AMPH: variants seen among roughly 807,000 people sequenced by gnomAD.
The protein encoded by AMPH is amphiphysin.
Under a neutral mutation model 99.1 loss-of-function variants are expected in AMPH, and 49 were observed. The observed-to-expected ratio is 0.49, with a 90% CI of 0.39 to 0.63. The LOEUF (loss-of-function observed/expected upper bound fraction) is 0.63, where lower values mean the gene tolerates loss of function less well. AMPH is among the 20% of genes least tolerant of loss of function. The pLI, the probability that AMPH is intolerant of heterozygous loss-of-function variation, is 0.00. For synonymous variants in AMPH, 314 were observed against 317.3 expected (o/e 0.99, Z 0.11); for missense variants, 759 against 863.4 (o/e 0.88, Z 1.52).
At chr7:38,417,056 G>T (rs970586464) in intron 17 of AMPH, among the ~76,000 whole-genome samples, 2 of 152,126 alleles carry the variant, frequency 1.3e-5, no homozygotes, top group African/African-American at 4.8e-5. Context: ...ATGGTACCCT[G>T]ATTGAAATTG....
chr7:38,577,238 A>G (rs573426884), intron 1 of AMPH, among the ~76,000 whole-genome samples: 46 of 152,328 alleles, frequency 3.0e-4, no homozygotes, highest in Middle Eastern at 3.4e-3. Flanking sequence ...GGACAAATGT[A>G]CACCTGTGGC....
Position 38,503,695 on chromosome 7 carries a change from TACCCTCTGCCTAAA to T in AMPH, c.151-5_159del. On this transcript the variant is annotated splice_acceptor_variant and splice_polypyrimidine_tract_variant and coding_sequence_variant and intron_variant, in exon 3 of 21. Transcript: ENST00000356264. LOFTEE classifies it high-confidence loss of function. The stretch of plus-strand genomic sequence containing the variant: ...CCTCGGAGTTCTCGCTGAAGTCTGG[TACCCTCTGCCTAAA>T]AAACACAAGCACAGATGCTAAATAT... 6.2e-7 allele frequency: 1 copy of T among 1,614,052 alleles called. No homozygotes were observed. The highest frequency in any genetic ancestry group is 8.5e-7 in the Non-Finnish European group (1 of 1,179,956).
chr7:38,610,276 GAAAGAAAGAAAGAAAGAAAGA>G (rs1793595381), intron 1 of AMPH, among the ~76,000 whole-genome samples: 9 of 7,800 alleles, frequency 1.2e-3, no homozygotes, highest in African/African-American at 6.3e-3. Flanking sequence ...AAGAAAGAAA[GAAAGAAAGAAAGAAAGAAAGA>G]AAAGAAAAGA....
chr7:38,571,604 G>T (rs28815597), intron 1 of AMPH, among the ~76,000 whole-genome samples: 17,791 of 144,996 alleles, frequency 0.12, 1,519 homozygotes, highest in Admixed American at 0.24. Flanking sequence ...ATAGAATAAG[G>T]ATATAAAGAA....
At chr7:38,412,540 T>C (rs1785245206) in intron 17 of AMPH, among the ~76,000 whole-genome samples, 1 of 152,224 alleles carries the variant, frequency 6.6e-6, no homozygotes, top group Non-Finnish European at 1.5e-5. Context: ...AGTGGCCCCA[T>C]ATTTCAGAGA....
intron 1 of AMPH, among the ~76,000 whole-genome samples, chr7:38,537,570 T>C (rs1367078492): frequency 6.6e-6 from 1 of 152,174 alleles, no homozygotes; most frequent in Non-Finnish European, 1.5e-5. Flanking sequence ...AAAACTTAAC[T>C]ATACAAGCAC....
chr7:38,443,536 G>A (rs1163000369), intron 11 of AMPH, among the ~76,000 whole-genome samples: 1 of 152,036 alleles, frequency 6.6e-6, no homozygotes, highest in African/African-American at 2.4e-5. Flanking sequence ...GGACTTCATG[G>A]ATGGTTTACC....
At chr7:38,512,056 A>T (rs1789562158) in intron 2 of AMPH, among the ~76,000 whole-genome samples, 1 of 152,114 alleles carries the variant, frequency 6.6e-6, no homozygotes, top group Non-Finnish European at 1.5e-5. Context: ...GGAAACTTTA[A>T]TTTTTTTCAC....
rs57006229 is a variant in AMPH, at chr7:38,422,554, G to GTATCTATCTATC, written c.1216-89_1216-78dup. The GTATCTATCTATC allele has an allele frequency of 6.5e-3, 5,128 of 784,904 alleles. 21 individuals are homozygous for GTATCTATCTATC. The highest frequency in any genetic ancestry group is 9.2e-3 in the East Asian group (320 of 34,856). The allele number at this position is 784,904 out of a possible 1,614,324, so 48.6% of individuals were successfully genotyped here. A position where few individuals can be genotyped will look rare whatever the true frequency, so the allele number is the denominator to read the frequency against. On this transcript the variant is annotated intron_variant, in intron 15 of 20. Coordinates refer to ENST00000356264, the MANE Select transcript of AMPH (RefSeq NM_001635.4). ...GCTACCATCAATTGTGTCTGCCTACGTATCTATCTATCTATCTATCTATCT... is the reference window on the plus strand; with the variant it reads ...GCTACCATCAATTGTGTCTGCCTACGTATCTATCTATCTATCTATCTATCTATCTATCTATCT...
chr7:38,421,711 C>T (rs764733168), intron 16 of AMPH, among the ~76,000 whole-genome samples: 1 of 152,310 alleles, frequency 6.6e-6, no homozygotes, highest in Non-Finnish European at 1.5e-5. Context: ...AACCATAGTG[C>T]TACAAATAAC....
rs557660833 is a variant in AMPH at position 38,407,316 on chromosome 7, G to C, written c.1398+10509C>G. On this transcript the variant is annotated intron_variant, in intron 17 of 20. Transcript: ENST00000356264. ...ATAGAGAGAGAGAGAGACAGAGAGA[G>C]AGGAATCTATTAGGGAAAATCTCTC... 2.5e-5 allele frequency among the ~76,000 whole-genome samples: 3 copies of C among 118,702 alleles called. No homozygotes were observed. The South Asian group carries it at 9.8e-4, about 39-fold the overall frequency. 77.9% of individuals were successfully genotyped at this position (118,702 alleles called of 152,430 possible).
At position 38,384,856 on chromosome 7, in the gene AMPH, CT is replaced by C. The variant is rs1584020480; in HGVS notation, c.2049del (p.Gly684AlafsTer11). 1 of 1,613,872 alleles carries C rather than the reference CT, an allele frequency of 6.2e-7. No homozygotes were observed. The highest frequency in any genetic ancestry group is 8.5e-7 in the Non-Finnish European group (1 of 1,179,948). On this transcript the variant is annotated frameshift_variant, in exon 21 of 21. Coordinates refer to ENST00000356264, the MANE Select transcript of AMPH (RefSeq NM_001635.4). LOFTEE classifies it high-confidence loss of function. ...WLQYRDLATY[K>X]GLFPENFTRR... ...CGGGTGAAGTTCTCTGGAAAGAGGCCTTTGTAGGTGGCAAGGTCTCTGTACT... is the reference window on the plus strand; with the variant it reads ...CGGGTGAAGTTCTCTGGAAAGAGGCCTTGTAGGTGGCAAGGTCTCTGTACT...
At chr7:38,542,436 TA>T (rs1275044200) in intron 1 of AMPH, among the ~76,000 whole-genome samples, 3 of 152,188 alleles carry the variant, frequency 2.0e-5, no homozygotes, top group African/African-American at 7.2e-5. Flanking sequence ...GTTCCTTAGC[TA>T]GGCAAAGGGA....
At chr7:38,427,256 T>A (rs1785814363) in intron 14 of AMPH, among the ~76,000 whole-genome samples, 1 of 152,134 alleles carries the variant, frequency 6.6e-6, no homozygotes, top group Non-Finnish European at 1.5e-5. Context: ...TTCTCTATAA[T>A]GAGAAGATGA....
At chr7:38,558,129 T>G (rs535001843) in intron 1 of AMPH, among the ~76,000 whole-genome samples, 1 of 152,328 alleles carries the variant, frequency 6.6e-6, no homozygotes, top group South Asian at 2.1e-4. Flanking sequence ...GCCTATGAAT[T>G]TTCAGAATGC....
chr7:38,454,915 G>T (rs1787171486), intron 11 of AMPH, among the ~76,000 whole-genome samples: 1 of 151,994 alleles, frequency 6.6e-6, no homozygotes, highest in Admixed American at 6.5e-5. Context: ...ATGAAAATAT[G>T]CTCAATAAAA....
chr7:38,512,898 T>C (rs1789592094), intron 2 of AMPH, among the ~76,000 whole-genome samples: 1 of 152,232 alleles, frequency 6.6e-6, no homozygotes, highest in Non-Finnish European at 1.5e-5. Flanking sequence ...TCTGGCACCA[T>C]GGACAGCAAC....
At chr7:38,513,982 C>A (rs142002942) in intron 2 of AMPH, among the ~76,000 whole-genome samples, 2 of 152,192 alleles carry the variant, frequency 1.3e-5, no homozygotes, top group African/African-American at 4.8e-5. Flanking sequence ...CTTTGACCCC[C>A]CTTTGCTTCA....
At chr7:38,585,784 A>G (rs1311316405) in intron 1 of AMPH, among the ~76,000 whole-genome samples, 1 of 152,248 alleles carries the variant, frequency 6.6e-6, no homozygotes, top group Non-Finnish European at 1.5e-5. Flanking sequence ...AGTGTGGTAT[A>G]TGGTAGAATT....
Sources: allele counts gnomAD v4.1 joint callset (sites outside exome capture counted in the v4.1 genomes callset), GRCh38; gene constraint gnomAD v4.1.1; transcripts MANE v1.5; gene names NCBI Gene and HGNC (gene_info 2026-07-23, HGNC 2026-07-21).